Variants in FMNL2 observed in about 807,000 individuals in gnomAD.
FMNL2 encodes formin-like protein 2.
A neutral mutation model predicts 130.2 loss-of-function variants in FMNL2; 51 were observed. That is an observed-to-expected ratio of 0.39 (90% CI 0.31 to 0.49). The LOEUF (loss-of-function observed/expected upper bound fraction) is 0.49, where lower values mean the gene tolerates loss of function less well. Among genes scored for constraint, FMNL2 ranks in the 20% least tolerant of loss-of-function variants. The pLI is 0.85. For synonymous variants in FMNL2, 465 were observed against 467.1 expected, an observed-to-expected ratio of 1.00 and a Z score of 0.06; for missense variants, 977 against 1,316.2, an observed-to-expected ratio of 0.74 and a Z score of 3.99.
rs548483334 is a variant in FMNL2 at position 152,395,448 on chromosome 2, G to A, written c.117+59728G>A. 2.6e-5 allele frequency among the ~76,000 whole-genome samples: 4 copies of A among 152,272 alleles called. No individual in the cohort carries two copies. The South Asian group carries it at 8.3e-4, about 32-fold the overall frequency. On this transcript the variant is annotated intron_variant, in intron 1 of 25. Transcript: ENST00000288670. ...TTCATTGTTAGATTATGCCCCAGAT[G>A]GCCTGTTAGCTTTCTTAGGAAACTT... is the stretch of plus-strand genomic sequence containing the variant.
At chr2:152,404,339 C>G (rs1161027454) in intron 1 of FMNL2, among the ~76,000 whole-genome samples, 1 of 152,090 alleles carries the variant, frequency 6.6e-6, no homozygotes, top group Non-Finnish European at 1.5e-5. Flanking sequence ...CTTGTATCTC[C>G]TCACATCCCA....
intron 1 of FMNL2, among the ~76,000 whole-genome samples, chr2:152,354,389 C>T (rs1207073456): frequency 6.6e-6 from 1 of 151,930 alleles, no homozygotes; most frequent in Non-Finnish European, 1.5e-5. Flanking sequence ...TGATTAACAG[C>T]ATTGTTCAAT....
At chr2:152,529,673 C>G (rs1693584980) in intron 2 of FMNL2, among the ~76,000 whole-genome samples, 1 of 152,136 alleles carries the variant, frequency 6.6e-6, no homozygotes, top group South Asian at 2.1e-4. Flanking sequence ...AGTGAATTTA[C>G]ATTACGTCTT....
chr2:152,359,597 C>T (rs1683045964), intron 1 of FMNL2, among the ~76,000 whole-genome samples: 1 of 151,114 alleles, frequency 6.6e-6, no homozygotes. Flanking sequence ...TGAGACAGAA[C>T]ATACAGAGGA....
intron 1 of FMNL2, among the ~76,000 whole-genome samples, chr2:152,350,959 C>T (rs986755311): frequency 5.3e-5 from 8 of 152,096 alleles, no homozygotes; most frequent in East Asian, 1.9e-4. Flanking sequence ...GCAGGAGAAT[C>T]GCTTGAACCT....
At chr2:152,632,445 C>T (rs1248599543) in intron 21 of FMNL2, among the ~76,000 whole-genome samples, 1 of 152,218 alleles carries the variant, frequency 6.6e-6, no homozygotes, top group Non-Finnish European at 1.5e-5. Flanking sequence ...GAATGAGAAT[C>T]TGAGAATCAT....
intron 1 of FMNL2, among the ~76,000 whole-genome samples, chr2:152,476,684 C>A (rs1690167428): frequency 6.9e-6 from 1 of 145,880 alleles, no homozygotes; most frequent in South Asian, 2.2e-4. Context: ...AGAAGGAGAC[C>A]CTGTCTTAAA....
chr2:152,419,774 G>A (rs1053519330), intron 1 of FMNL2, among the ~76,000 whole-genome samples: 1 of 152,054 alleles, frequency 6.6e-6, no homozygotes, highest in East Asian at 1.9e-4. Flanking sequence ...CACCCCAGGA[G>A]GACTGTTGGG....
At chr2:152,504,800 C>G (rs1692063743) in intron 1 of FMNL2, among the ~76,000 whole-genome samples, 1 of 152,098 alleles carries the variant, frequency 6.6e-6, no homozygotes, top group Non-Finnish European at 1.5e-5. Context: ...ATTCCTGAAT[C>G]ATTACTGTCA....
intron 1 of FMNL2, among the ~76,000 whole-genome samples, chr2:152,488,125 A>T (rs889212787): frequency 1.3e-5 from 2 of 152,192 alleles, no homozygotes; most frequent in African/African-American, 4.8e-5. Flanking sequence ...TATCTGCAAA[A>T]GTGTTTCATT....
At chr2:152,354,025 GC>G (rs1682653175) in intron 1 of FMNL2, among the ~76,000 whole-genome samples, 1 of 70,058 alleles carries the variant, frequency 1.4e-5, no homozygotes, top group Admixed American at 2.2e-4. Context: ...CATGCATGCA[GC>G]CCCACTTGGA....
intron 1 of FMNL2, among the ~76,000 whole-genome samples, chr2:152,442,692 C>T (rs1688116168): frequency 6.6e-6 from 1 of 152,136 alleles, no homozygotes; most frequent in Admixed American, 6.5e-5. Context: ...TTCTATAATA[C>T]ATAAAAGATA....
At chr2:152,342,517 G>C (rs1681869444) in intron 1 of FMNL2, among the ~76,000 whole-genome samples, 1 of 152,184 alleles carries the variant, frequency 6.6e-6, no homozygotes, top group South Asian at 2.1e-4. Context: ...TGGAGTCATG[G>C]TTCCTTAGAG....
intron 9 of FMNL2, among the ~76,000 whole-genome samples, chr2:152,581,728 T>C (rs560897435): frequency 6.6e-6 from 1 of 152,312 alleles, no homozygotes; most frequent in East Asian, 1.9e-4. Flanking sequence ...GAAGAGTACC[T>C]GTTTGTTCCC....
At position 152,561,019 on chromosome 2, in the gene FMNL2, A is replaced by G; in HGVS notation, c.580A>G (p.Arg194Gly). The change falls in exon 6 of 26, where the codon AGA becomes GGA. Residue 194 changes from arginine (R) to glycine (G), a missense_variant. Coordinates refer to ENST00000288670, the MANE Select transcript of FMNL2 (RefSeq NM_052905.4). ...PVGNSVSRSG[R>G]HSALRYNTLP... ...GGGCAACAGTGTCTCCCGCTCTGGA[A>G]GACATTCTGCACTGCGGTGAGTTCG... The G allele has an allele frequency of 6.2e-7, 1 of 1,600,582 alleles. No individual in the cohort carries two copies. Among genetic ancestry groups the G allele is most frequent in the Non-Finnish European group, 8.5e-7 (1 of 1,173,274 alleles).
chr2:152,573,489 A>T (rs970204669), intron 6 of FMNL2, among the ~76,000 whole-genome samples: 2 of 152,192 alleles, frequency 1.3e-5, no homozygotes, highest in African/African-American at 4.8e-5. Context: ...GCCTGGTCTC[A>T]TCTCATCCCT....
intron 1 of FMNL2, among the ~76,000 whole-genome samples, chr2:152,437,618 A>G (rs920815132): frequency 1.6e-4 from 25 of 152,252 alleles, no homozygotes; most frequent in East Asian, 7.7e-4. Context: ...ACAGTCTATC[A>G]GTTTGTGTGA....
At position 152,636,286 on chromosome 2, in the gene FMNL2, C is replaced by T. The variant is rs1308093247; in HGVS notation, c.2681-141C>T. The T allele has an allele frequency of 8.0e-6, 6 of 746,926 alleles. No individual in the cohort carries two copies. In the African/African-American group the frequency reaches 1.1e-4, roughly 13 times the overall value. 46.3% of individuals were successfully genotyped at this position (746,926 alleles called of 1,614,324 possible). ...ATAATGCTTCTTTGCATTAAAAGAT[C>T]TCTGTGCCAAAAGCTGGAAGCTAGG... On this transcript the variant is annotated intron_variant, in intron 21 of 25. Transcript: ENST00000288670.
rs371415310 is a variant in FMNL2, at chr2:152,617,138, T to C, written c.1260T>C (p.Ile420=). The change falls in exon 13 of 26, where the codon ATT becomes ATC. Residue 420 remains isoleucine, a synonymous_variant. Coordinates refer to ENST00000288670, the MANE Select transcript of FMNL2 (RefSeq NM_052905.4). ...CAGAGAATGAAGCCATGTCCAAGAT[T>C]GTGGAACTGGAAAAGCAACTCATGC... is the stretch of plus-strand genomic sequence containing the variant. The part of the protein sequence containing the change: ...QDTENEAMSK[I]VELEKQLMQR... The C allele has an allele frequency of 6.2e-7, 1 of 1,613,972 alleles. No individual in the cohort carries two copies.
Sources: allele counts gnomAD v4.1 joint callset (sites outside exome capture counted in the v4.1 genomes callset), GRCh38; gene constraint gnomAD v4.1.1; transcripts MANE v1.5; gene names NCBI Gene and HGNC (gene_info 2026-07-23, HGNC 2026-07-21).